ZNF296: variants seen among roughly 807,000 people sequenced by gnomAD.
ZNF296 encodes the protein zinc finger protein 342.
In ZNF296, 1 loss-of-function variant was observed where a neutral mutation model predicts 13.2. The observed-to-expected ratio is 0.08, with a 90% CI of 0.03 to 0.36. The LOEUF is 0.36. Ranked by LOEUF, ZNF296 falls within the 10% of genes least tolerant of loss-of-function variation. The pLI, the probability that ZNF296 is intolerant of heterozygous loss-of-function variation, is 0.99. For missense variants in ZNF296, 555 were observed against 688.2 expected, an observed-to-expected ratio of 0.81 and a Z score of 2.16; for synonymous variants, 303 against 289.0, an observed-to-expected ratio of 1.05 and a Z score of -0.49.
At position 45,076,342 on chromosome 19, in the gene ZNF296, C is replaced by A; in HGVS notation, c.32G>T (p.Arg11Leu). Residue 11 changes from arginine (R) to leucine (L), a missense_variant, in exon 1 of 3, where the codon CGC becomes CTC. Arg to Leu is a moderately radical substitution (Grantham distance 102). Around this residue, in one of 3 missense-constraint regions of ZNF296, gnomAD observed 137 missense variants for 121.9 expected, o/e 1.12. Coordinates refer to ENST00000303809, the MANE Select transcript of ZNF296 (RefSeq NM_145288.3). This position sits in a 1 kb window ranked among gnomAD's most constrained non-coding sequence, Gnocchi z 4.9. Reference protein sequence around the residue: MSRRKAGSAPRRVEPAPAANP... With the variant: MSRRKAGSAPLRVEPAPAANP... ...GGCGGCGGGCGCGGGCTCTACTCGG[C>A]GGGGCGCGCTGCCGGCCTTGCGGCG... is the stretch of plus-strand genomic sequence containing the variant. 2 of 1,367,260 alleles carry A rather than the reference C, an allele frequency of 1.5e-6. No individual in the cohort carries two copies. Among genetic ancestry groups the A allele is most frequent in the South Asian group, 4.1e-5 (2 of 48,292 alleles). The allele number at this position is 1,367,260 out of a possible 1,614,324, so 84.7% of individuals were successfully genotyped here.
rs1344534463 is a variant in ZNF296 at position 45,072,088 on chromosome 19, G to A, written c.941C>T (p.Thr314Ile). 1.9e-6 allele frequency: 3 copies of A among 1,612,120 alleles called. No individual in the cohort carries two copies. In the African/African-American group the frequency reaches 4.0e-5, roughly 22 times the overall value. The change falls in exon 3 of 3, where the codon ACC (threonine) becomes ATC (isoleucine). Residue 314 changes from threonine to isoleucine, a missense_variant. By Grantham distance (89) the Thr-to-Ile change is moderately conservative. This residue lies in a region of ZNF296 where 410 missense variants were observed against 548.0 expected (regional missense o/e 0.75). Transcript: ENST00000303809. ...PEPAVHAAAP[T>I]STLPCSGGEG... ...ACCACCGCTGCATGGAAGGGTGCTGGTGGGGGCAGCAGCATGGACAGCCGG... is the reference window on the plus strand; with the variant it reads ...ACCACCGCTGCATGGAAGGGTGCTGATGGGGGCAGCAGCATGGACAGCCGG...
rs1444638112 is a variant in ZNF296 at position 45,075,815 on chromosome 19, G to T, written c.346C>A (p.Arg116Ser). 3 of 1,614,122 alleles carry T rather than the reference G, an allele frequency of 1.9e-6. No homozygotes were observed. In the Admixed American group the frequency reaches 5.0e-5, roughly 27 times the overall value. ...DKHPDLLTCG[R>S]CLQTFPLEAI... ...TCCAACGGGAAGGTCTGCAGGCAGCGGCCGCAGGTCAACAGATCTGGGTGT... is the reference window on the plus strand; with the variant it reads ...TCCAACGGGAAGGTCTGCAGGCAGCTGCCGCAGGTCAACAGATCTGGGTGT... The change falls in exon 2 of 3, where the codon CGC (arginine) becomes AGC (serine). Residue 116 changes from arginine to serine, a missense_variant. Around this residue, in one of 3 missense-constraint regions of ZNF296, gnomAD observed 410 missense variants for 548.0 expected, o/e 0.75. Transcript: ENST00000303809.
At chr19:45,073,935 T>C (rs992538027) in intron 2 of ZNF296, among the ~76,000 whole-genome samples, 8 of 151,060 alleles carry the variant, frequency 5.3e-5, no homozygotes, top group Non-Finnish European at 8.8e-5. Context: ...GGCAGGAGAA[T>C]CGCTTGAACC....
In ZNF296 at chr19:45,071,729, G is replaced by A. The variant is rs768578067; in HGVS notation, c.1300C>T (p.Arg434Cys). ...CTGCCAGGCGTCATGCCGTGCATGCGGCGGTGGCGGTTGAGCTTACTGCTC... is the reference window on the plus strand; with the variant it reads ...CTGCCAGGCGTCATGCCGTGCATGCAGCGGTGGCGGTTGAGCTTACTGCTC... Reference protein sequence around the residue: ...AQSSKLNRHRRMHGMTPGSTR... With the variant: ...AQSSKLNRHRCMHGMTPGSTR... The change falls in exon 3 of 3, where the codon CGC (arginine) becomes TGC (cysteine). Residue 434 changes from arginine to cysteine, a missense_variant. This residue lies in a region of ZNF296 where 410 missense variants were observed against 548.0 expected (regional missense o/e 0.75). Coordinates refer to ENST00000303809, the MANE Select transcript of ZNF296 (RefSeq NM_145288.3). 2 of 1,605,952 alleles carry A rather than the reference G, an allele frequency of 1.2e-6. No individual in the cohort carries two copies. Among genetic ancestry groups the A allele is most frequent in the Non-Finnish European group, 1.7e-6 (2 of 1,175,068 alleles).
Position 45,072,133 on chromosome 19 carries a change from G to A in ZNF296, c.896C>T (p.Ala299Val). Residue 299 changes from alanine to valine, a missense_variant, in exon 3 of 3, where the codon GCC (alanine) becomes GTC (valine). Coordinates refer to ENST00000303809, the MANE Select transcript of ZNF296 (RefSeq NM_145288.3). ...AGCCGGCTCCGGAGGGGCTGCAGAG[G>A]CCTGCTCCTGGCTGGTGTCGGCCAT... ...PLMADTSQEQ[A>V]SAAPPEPAVH... is the part of the protein sequence containing the mutation. 6.2e-7 allele frequency: 1 copy of A among 1,605,184 alleles called. No individual in the cohort carries two copies. The highest frequency in any genetic ancestry group is 8.5e-7 in the Non-Finnish European group (1 of 1,175,260).
In ZNF296 at chr19:45,076,448, G is replaced by T; in HGVS notation, c.-75C>A. Reference sequence around the variant, plus strand: ...GGCGGAGGACGCACGAGCGGAGGACGCGCGGACCGTGCGCGCTCAGGTGAG... The same window carrying T: ...GGCGGAGGACGCACGAGCGGAGGACTCGCGGACCGTGCGCGCTCAGGTGAG... On this transcript the variant is annotated 5_prime_UTR_variant, in exon 1 of 3. Coordinates refer to ENST00000303809, the MANE Select transcript of ZNF296 (RefSeq NM_145288.3). This position sits in a 1 kb window ranked among gnomAD's most constrained non-coding sequence, Gnocchi z 4.9. 9.1e-7 allele frequency: 1 copy of T among 1,104,060 alleles called. No individual in the cohort carries two copies. The highest frequency in any genetic ancestry group is 3.5e-5 in the East Asian group (1 of 28,662). The allele number at this position is 1,104,060 out of a possible 1,614,324, so 68.4% of individuals were successfully genotyped here.
chr19:45,072,327 A>G lies in ZNF296; in HGVS notation c.702T>C (p.Pro234=). The G allele has an allele frequency of 2.5e-6, 4 of 1,613,080 alleles. No individual in the cohort carries two copies. Among genetic ancestry groups the G allele is most frequent in the Non-Finnish European group, 3.4e-6 (4 of 1,179,920 alleles). ...AGGAGCTGAGGGTCTTCTTGCACAC[A>G]GGACAGGTGGGGCTCCGCCGGGTGA... ...SGLTRRSPTC[P]VCKKTLSSFS... is the part of the protein sequence containing the mutation. Residue 234 remains proline (P), a synonymous_variant, in exon 3 of 3, where the codon CCT becomes CCC. Transcript: ENST00000303809.
At chr19:45,075,048 C>G (rs1967318823) in intron 2 of ZNF296, among the ~76,000 whole-genome samples, 1 of 152,212 alleles carries the variant, frequency 6.6e-6, no homozygotes, top group African/African-American at 2.4e-5. Flanking sequence ...TTAAGCCCTG[C>G]AGCCAACACT....
chr19:45,075,163 G>A (rs901083771), intron 2 of ZNF296, among the ~76,000 whole-genome samples: 1 of 152,202 alleles, frequency 6.6e-6, no homozygotes, highest in African/African-American at 2.4e-5. Context: ...CAAACCAGGG[G>A]ATTCCCAGCA....
chr19:45,072,233 A>G lies in ZNF296; in HGVS notation c.796T>C (p.Tyr266His). 1 of 1,613,284 alleles carries G rather than the reference A, an allele frequency of 6.2e-7. No homozygotes were observed. Among genetic ancestry groups the G allele is most frequent in the Non-Finnish European group, 8.5e-7 (1 of 1,179,774 alleles). The change falls in exon 3 of 3, where the codon TAC (tyrosine) becomes CAC (histidine). Residue 266 changes from tyrosine (Y) to histidine (H), a missense_variant. By Grantham distance (83) the Tyr-to-His change is moderately conservative. Transcript: ENST00000303809. ...AGCTTGCTGCTCTGGGCGCAGGCGT[A>G]GGGACACTGGTCGCAAGCATAGGGC... is the stretch of plus-strand genomic sequence containing the variant. ...ERPYACDQCPYACAQSSKLNR... is the reference protein window; with the variant it reads ...ERPYACDQCPHACAQSSKLNR...
At chr19:45,075,939 C>T (rs1406385841) in intron 1 of ZNF296, 77 bp from the exon 2 acceptor site, 3 of 1,593,924 alleles carry the variant, frequency 1.9e-6, no homozygotes, top group Non-Finnish European at 2.6e-6. Flanking sequence ...GAGGGGAAAC[C>T]GAAGGTCAGA....
At position 45,071,906 on chromosome 19, in the gene ZNF296, G is replaced by T; in HGVS notation, c.1123C>A (p.Pro375Thr). ...CCGCGGCTCTTGCCCCCTGACTTGG[G>T]CATCTTTTTGGGTGATGCCTTCTGG... ...NSQKASPKKM[P>T]KSGGKSRGPG... Residue 375 changes from proline to threonine, a missense_variant, in exon 3 of 3, where the codon CCC becomes ACC. Pro to Thr is a conservative substitution (Grantham distance 38). Transcript: ENST00000303809. 1 of 1,613,494 alleles carries T rather than the reference G, an allele frequency of 6.2e-7. No homozygotes were observed.
Position 45,071,565 on chromosome 19 carries a change from G to A in ZNF296, c.*36C>T. ...ACGAGGAGGTCAATGGGTGTTGGCA[G>A]CGGTACCAGGGACAGTGAGGGGGGC... On this transcript the variant is annotated 3_prime_UTR_variant, in exon 3 of 3. Transcript: ENST00000303809. 2 of 1,500,714 alleles carry A rather than the reference G, an allele frequency of 1.3e-6. No individual in the cohort carries two copies. Among genetic ancestry groups the A allele is most frequent in the Non-Finnish European group, 1.8e-6 (2 of 1,134,122 alleles). 93.0% of individuals were successfully genotyped at this position (1,500,714 alleles called of 1,614,324 possible).
intron 2 of ZNF296, among the ~76,000 whole-genome samples, chr19:45,074,958 C>T (rs1360211083): frequency 2.0e-5 from 3 of 152,230 alleles, no homozygotes; most frequent in Non-Finnish European, 4.4e-5. Flanking sequence ...ACCAGACCCT[C>T]CCTGGCCCAA....
Position 45,076,089 on chromosome 19 carries a change from G to A in ZNF296, c.285C>T (p.Thr95=). The A allele has an allele frequency of 1.9e-6, 3 of 1,581,078 alleles. No individual in the cohort carries two copies. The highest frequency in any genetic ancestry group is 2.3e-5 in the East Asian group (1 of 44,370). ...CGGGGTGCTCACCGGGATAGTTCGG[G>A]GTCAACGGCGTCCACAGGGTCCACG... ...RNPWTLWTPL[T]PNYPDRQPWT... Residue 95 remains threonine, a synonymous_variant, in exon 1 of 3, where the codon ACC becomes ACT. Coordinates refer to ENST00000303809, the MANE Select transcript of ZNF296 (RefSeq NM_145288.3). The surrounding 1 kb of genome is among the most constrained non-coding windows in gnomAD (Gnocchi z 4.9).
intron 2 of ZNF296, among the ~76,000 whole-genome samples, chr19:45,074,404 TAA>T (rs936940771): frequency 6.6e-6 from 1 of 152,142 alleles, no homozygotes; most frequent in Non-Finnish European, 1.5e-5. Flanking sequence ...GGCCACCTAG[TAA>T]AGAGGTGGTA....
intron 2 of ZNF296, among the ~76,000 whole-genome samples, chr19:45,073,440 G>T (rs1464250539): frequency 6.8e-6 from 1 of 146,662 alleles, no homozygotes; most frequent in African/African-American, 2.6e-5. Flanking sequence ...GCGCGATCTC[G>T]GCTCACTGCA....
chr19:45,074,891 C>T (rs1967315998), intron 2 of ZNF296, among the ~76,000 whole-genome samples: 1 of 152,170 alleles, frequency 6.6e-6, no homozygotes, highest in Admixed American at 6.5e-5. Flanking sequence ...AGGCCACTCT[C>T]CATGCTCCAG....
chr19:45,076,185 G>T lies in ZNF296; in HGVS notation c.189C>A (p.Gly63=). Reference sequence around the variant, plus strand: ...GGCCAGGGGAGTGGTGGGGTTCGCCGCCGAACCGCCCCGCCGAGGACACCT... The same window carrying T: ...GGCCAGGGGAGTGGTGGGGTTCGCCTCCGAACCGCCCCGCCGAGGACACCT... ...PKEVSSAGRF[G]GEPHHSPGPM... Residue 63 remains glycine (G), a synonymous_variant, in exon 1 of 3, where the codon GGC becomes GGA. Coordinates refer to ENST00000303809, the MANE Select transcript of ZNF296 (RefSeq NM_145288.3). This position sits in a 1 kb window ranked among gnomAD's most constrained non-coding sequence, Gnocchi z 4.9. 6.6e-7 allele frequency: 1 copy of T among 1,504,352 alleles called. No homozygotes were observed. 93.2% of individuals were successfully genotyped at this position (1,504,352 alleles called of 1,614,324 possible).
Sources: gnomAD v4.1 joint callset for allele counts (sites outside exome capture counted in the v4.1 genomes callset) on GRCh38, gnomAD v4.1.1 for gene constraint, gnomAD v4.1.1 regional missense constraint, Gnocchi (gnomAD v3.1) non-coding constraint, MANE v1.5 for transcripts, NCBI Gene and HGNC (gene_info 2026-07-23, HGNC 2026-07-21) for gene names.